ERBB4: variants seen among roughly 807,000 people sequenced by gnomAD.
ERBB4 encodes the protein receptor tyrosine-protein kinase erbB-4.
Under a neutral mutation model 158.0 loss-of-function variants are expected in ERBB4, and 42 were observed. The observed-to-expected ratio is 0.27, with a 90% CI of 0.21 to 0.34. ERBB4 has a LOEUF of 0.34. ERBB4 is among the 10% of genes least tolerant of loss of function. The pLI, the probability that ERBB4 is intolerant of heterozygous loss-of-function variation, is 1.00. For missense variants in ERBB4, 1,333 were observed against 1,624.1 expected (o/e 0.82, Z 3.08); for synonymous variants, 583 against 558.7 (o/e 1.04, Z -0.61).
intron 12 of ERBB4, among the ~76,000 whole-genome samples, chr2:211,685,429 A>G (rs2072524727): frequency 6.6e-6 from 1 of 152,206 alleles, no homozygotes; most frequent in Non-Finnish European, 1.5e-5. Context: ...TGTAAAAAAT[A>G]TATTGGGTAT....
intron 1 of ERBB4, among the ~76,000 whole-genome samples, chr2:212,412,426 C>T (rs1231605939): frequency 6.6e-6 from 1 of 152,116 alleles, no homozygotes; most frequent in African/African-American, 2.4e-5. Flanking sequence ...GGTACCTCCC[C>T]ACGACTCCTT....
intron 20 of ERBB4, among the ~76,000 whole-genome samples, chr2:211,486,881 C>T (rs1489942481): frequency 6.6e-6 from 1 of 151,948 alleles, no homozygotes. Flanking sequence ...TTGTTTTATT[C>T]AGGTTGATGA....
In ERBB4 at chr2:211,978,678, C is replaced by T. The variant is rs182092885; in HGVS notation, c.235-31062G>A. On this transcript the variant is annotated intron_variant, in intron 2 of 27. Coordinates refer to ENST00000342788, the MANE Select transcript of ERBB4 (RefSeq NM_005235.3). ...TTAAGAAACACTGTGTAAAGGCATT[C>T]AATTTTTAGTGTTGAACTGTTAAAG... Among the ~76,000 whole-genome samples the T allele has an allele frequency of 3.9e-5, 6 of 152,218 alleles. 1 individual carries two copies. The East Asian group carries it at 1.2e-3, about 29-fold the overall frequency.
chr2:212,102,090 T>TTATATATATATATATATATATACATATA (rs2079101775), intron 2 of ERBB4, among the ~76,000 whole-genome samples: 1 of 107,978 alleles, frequency 9.3e-6, no homozygotes, highest in Non-Finnish European at 2.1e-5. Context: ...AAAATTTATT[T>TTATATATATATATATATATATACATATA]TATATATATA....
rs543690661 is a variant in ERBB4, at chr2:212,141,794, T to C, written c.83-16891A>G. ...GAAAGTCCCTATTTGAATATTGCCA[T>C]GTCTTTCCATCTGATGTCCCTGCTT... On this transcript the variant is annotated intron_variant, in intron 1 of 27. Transcript: ENST00000342788. Among the ~76,000 whole-genome samples the C allele has an allele frequency of 6.6e-5, 10 of 152,304 alleles. No homozygotes were observed. In the South Asian group the frequency reaches 2.1e-3, roughly 32 times the overall value.
chr2:212,351,933 T>A (rs910280130), intron 1 of ERBB4, among the ~76,000 whole-genome samples: 1 of 152,076 alleles, frequency 6.6e-6, no homozygotes, highest in Non-Finnish European at 1.5e-5. Flanking sequence ...CTATCAGTGG[T>A]AGACTGGATA....
chr2:211,494,069 C>T (rs2065410673), intron 20 of ERBB4, among the ~76,000 whole-genome samples: 1 of 152,162 alleles, frequency 6.6e-6, no homozygotes, highest in Non-Finnish European at 1.5e-5. Flanking sequence ...GCGGTGCGAT[C>T]TCGGCTCACT....
chr2:212,482,266 G>A (rs1427383511), intron 1 of ERBB4, among the ~76,000 whole-genome samples: 1 of 152,210 alleles, frequency 6.6e-6, no homozygotes, highest in Admixed American at 6.5e-5. Flanking sequence ...CTGATTGAAT[G>A]TGTTAAAGTC....
chr2:211,787,499 T>C (rs71422758), intron 4 of ERBB4, among the ~76,000 whole-genome samples: 39,696 of 152,142 alleles, frequency 0.26, 5,767 homozygotes, highest in Middle Eastern at 0.37. Context: ...ATGTTTCTTC[T>C]ATATGAAATC....
chr2:211,572,468 G>A (rs185271461), intron 19 of ERBB4, among the ~76,000 whole-genome samples: 155 of 152,214 alleles, frequency 1.0e-3, no homozygotes, highest in Admixed American at 1.6e-3. Flanking sequence ...AATGGATGAT[G>A]ACAACGGGCT....
At chr2:211,392,660 T>C (rs1298589727) in intron 25 of ERBB4, among the ~76,000 whole-genome samples, 1 of 151,686 alleles carries the variant, frequency 6.6e-6, no homozygotes, top group Non-Finnish European at 1.5e-5. Context: ...TTATTCTTTT[T>C]TGTTGTTGTT....
At chr2:211,788,408 C>G (rs1293952199) in intron 3 of ERBB4, among the ~76,000 whole-genome samples, 3 of 152,062 alleles carry the variant, frequency 2.0e-5, no homozygotes, top group African/African-American at 7.2e-5. Flanking sequence ...ACACTCCTAA[C>G]ATTTTGGTAT....
intron 1 of ERBB4, among the ~76,000 whole-genome samples, chr2:212,433,258 T>G (rs1356281179): frequency 1.3e-5 from 2 of 152,080 alleles, no homozygotes; most frequent in African/African-American, 4.8e-5. Flanking sequence ...ATTTTGTTAT[T>G]TAAGTTTCAG....
chr2:211,744,497 C>T (rs1353437771), intron 5 of ERBB4, among the ~76,000 whole-genome samples: 1 of 152,130 alleles, frequency 6.6e-6, no homozygotes. Flanking sequence ...TCCCACAGAC[C>T]TTCCCTGAAG....
intron 19 of ERBB4, among the ~76,000 whole-genome samples, chr2:211,610,971 G>A (rs973783421): frequency 5.9e-5 from 9 of 152,168 alleles, no homozygotes; most frequent in African/African-American, 2.2e-4. Context: ...AATTAAGCCT[G>A]TTGGAATGCA....
chr2:211,777,075 G>A (rs1239145803), intron 4 of ERBB4: 1 of 152,140 alleles, frequency 6.6e-6, no homozygotes. Flanking sequence ...AGGGAGGGGA[G>A]TTTGCAGATG....
intron 2 of ERBB4, among the ~76,000 whole-genome samples, chr2:212,031,793 A>C (rs1264862133): frequency 6.6e-6 from 1 of 152,120 alleles, no homozygotes; most frequent in Non-Finnish European, 1.5e-5. Flanking sequence ...ATGTATCACA[A>C]AATTTTTAGA....
intron 1 of ERBB4, among the ~76,000 whole-genome samples, chr2:212,310,042 G>C (rs4347765): frequency 2.7e-5 from 4 of 149,892 alleles, no homozygotes; most frequent in African/African-American, 4.9e-5. Context: ...TATAGAAATA[G>C]ATGCATTTTT....
chr2:212,208,979 C>T (rs2082849573), intron 1 of ERBB4, among the ~76,000 whole-genome samples: 1 of 152,098 alleles, frequency 6.6e-6, no homozygotes, highest in Admixed American at 6.6e-5. Context: ...CGATTTATCT[C>T]CTATGTATTT....
Sources: allele counts gnomAD v4.1 joint callset (sites outside exome capture counted in the v4.1 genomes callset), GRCh38; gene constraint gnomAD v4.1.1; transcripts MANE v1.5; gene names NCBI Gene and HGNC (gene_info 2026-07-23, HGNC 2026-07-21).